PBX4: variants seen among roughly 807,000 people sequenced by gnomAD.
PBX4 encodes the protein pre-B-cell leukemia transcription factor 4.
In PBX4, 26 loss-of-function variants were observed where a neutral mutation model predicts 35.1. The observed-to-expected ratio is 0.74, with a 90% CI of 0.54 to 1.03. The LOEUF (loss-of-function observed/expected upper bound fraction) is 1.03. Among genes scored for constraint, PBX4 ranks in the 50% least tolerant of loss-of-function variants. The pLI, the probability that PBX4 is intolerant of heterozygous loss-of-function variation, is 0.00. For missense variants in PBX4, 448 were observed against 504.3 expected, an observed-to-expected ratio of 0.89 and a Z score of 1.07; for synonymous variants, 199 against 204.2, an observed-to-expected ratio of 0.97 and a Z score of 0.22.
chr19:19,598,595 C>T (rs1462414274), intron 2 of PBX4, among the ~76,000 whole-genome samples: 2 of 152,088 alleles, frequency 1.3e-5, no homozygotes, highest in Non-Finnish European at 2.9e-5. Context: ...TGTGCCCAGC[C>T]GACAAAACTG....
At chr19:19,592,819 C>G (rs887230781) in intron 2 of PBX4, among the ~76,000 whole-genome samples, 4 of 152,176 alleles carry the variant, frequency 2.6e-5, no homozygotes, top group Non-Finnish European at 5.9e-5. Context: ...TCAGATGACA[C>G]AGGTGGGTGT....
chr19:19,575,546 G>A (rs1044500721), intron 2 of PBX4, among the ~76,000 whole-genome samples: 6 of 151,984 alleles, frequency 3.9e-5, no homozygotes, highest in Non-Finnish European at 8.8e-5. Flanking sequence ...TATTGATTCT[G>A]CCTCAACAAT....
intron 1 of PBX4, 92 bp from the exon 2 acceptor site, chr19:19,599,457 C>A: frequency 4.7e-6 from 5 of 1,055,742 alleles, no homozygotes; most frequent in South Asian, 1.3e-5. Flanking sequence ...GAAATCAAAC[C>A]AAACGAGATC....
At chr19:19,565,828 G>C (rs2061338281) in intron 5 of PBX4, among the ~76,000 whole-genome samples, 1 of 152,120 alleles carries the variant, frequency 6.6e-6, no homozygotes, top group East Asian at 1.9e-4. Flanking sequence ...TGAGGCAGGA[G>C]AATCACTTGA....
chr19:19,604,520 A>T (rs1187814155), intron 1 of PBX4, among the ~76,000 whole-genome samples: 2 of 149,492 alleles, frequency 1.3e-5, no homozygotes, highest in African/African-American at 4.9e-5. Context: ...TTGTCTCTGA[A>T]CTTCAAATAT....
intron 1 of PBX4, among the ~76,000 whole-genome samples, chr19:19,609,621 A>T (rs1038652815): frequency 6.6e-6 from 1 of 150,542 alleles, no homozygotes; most frequent in East Asian, 2.0e-4. Context: ...CAGGCCGAGG[A>T]GGGCAGATCA....
chr19:19,582,979 G>A (rs1041853371), intron 2 of PBX4, among the ~76,000 whole-genome samples: 12 of 152,232 alleles, frequency 7.9e-5, no homozygotes, highest in African/African-American at 2.7e-4. Flanking sequence ...CCCGGGCTCC[G>A]GGAACACCAA....
chr19:19,587,842 A>G (rs1048407686), intron 2 of PBX4, among the ~76,000 whole-genome samples: 35 of 151,794 alleles, frequency 2.3e-4, no homozygotes, highest in African/African-American at 7.0e-4. Flanking sequence ...TCAAGAAAAA[A>G]CATTAATTAA....
chr19:19,578,077 C>T lies in PBX4; in HGVS notation c.194-7244G>A, dbSNP rs542731462. Among the ~76,000 whole-genome samples the T allele has an allele frequency of 5.5e-5, 8 of 145,734 alleles. No individual in the cohort carries two copies. In the South Asian group the frequency reaches 1.7e-3, roughly 32 times the overall value. ...TGATGGCACAAGCCTGTAATCTCAG[C>T]TACTTGGGAGGCTGAGGCAGGAGAT... On this transcript the variant is annotated intron_variant, in intron 2 of 7. Coordinates refer to ENST00000251203, the MANE Select transcript of PBX4 (RefSeq NM_025245.3).
intron 2 of PBX4, chr19:19,588,349 C>T: frequency 8.0e-7 from 1 of 1,242,900 alleles, no homozygotes; most frequent in East Asian, 2.4e-5. Flanking sequence ...ACATTTTTCA[C>T]ACAGTCATCT....
At chr19:19,565,536 G>C (rs1217598984) in intron 5 of PBX4, among the ~76,000 whole-genome samples, 1 of 152,238 alleles carries the variant, frequency 6.6e-6, no homozygotes, top group Non-Finnish European at 1.5e-5. Flanking sequence ...TGAAAACAAG[G>C]TGAACTCTGA....
chr19:19,587,965 A>G, intron 2 of PBX4: 1 of 434,342 alleles, frequency 2.3e-6, no homozygotes, highest in East Asian at 4.7e-5. Flanking sequence ...CTGCCAGTAC[A>G]CCAGCAGGCA....
chr19:19,585,575 CAT>C (rs1382788396), intron 2 of PBX4, among the ~76,000 whole-genome samples: 1 of 152,304 alleles, frequency 6.6e-6, no homozygotes, highest in South Asian at 2.1e-4. Flanking sequence ...GCTAAGCCAT[CAT>C]ATCCCTTGTG....
chr19:19,586,935 A>C lies in PBX4; in HGVS notation c.193+12357T>G, dbSNP rs535049346. Among the ~76,000 whole-genome samples, 9 of 151,584 alleles carry C rather than the reference A, an allele frequency of 5.9e-5. No homozygotes were observed. The South Asian group carries it at 1.9e-3, about 32-fold the overall frequency. The stretch of plus-strand genomic sequence containing the variant: ...GACAGAGTGAGATTCCGTCTCAAAA[A>C]AAGAAAAAGAAAAAGAAAAAGAAAA... On this transcript the variant is annotated intron_variant, in intron 2 of 7. Transcript: ENST00000251203.
At position 19,563,747 on chromosome 19, in the gene PBX4, GC is replaced by G. The variant is rs771585648; in HGVS notation, c.926-133del. 6.6e-6 allele frequency: 5 copies of G among 761,960 alleles called. No homozygotes were observed. Among genetic ancestry groups the G allele is most frequent in the South Asian group, 5.9e-5 (4 of 67,250 alleles). The allele number at this position is 761,960 out of a possible 1,614,324, so 47.2% of individuals were successfully genotyped here. Reference sequence around the variant, plus strand: ...CTCAGCATCCGGCCTCTGCTCCTCAGCCCCCACCCAGGCAGGCCAGCGGGCC... The same window carrying G: ...CTCAGCATCCGGCCTCTGCTCCTCAGCCCCACCCAGGCAGGCCAGCGGGCC... On this transcript the variant is annotated intron_variant, in intron 6 of 7. Transcript: ENST00000251203. This position sits in a 1 kb window ranked among gnomAD's most constrained non-coding sequence, Gnocchi z 5.1.
At chr19:19,615,037 C>A (rs917878706) in intron 1 of PBX4, among the ~76,000 whole-genome samples, 1 of 151,332 alleles carries the variant, frequency 6.6e-6, no homozygotes, top group Non-Finnish European at 1.5e-5. Flanking sequence ...TAGTGGCACA[C>A]GCCTGTAATC....
chr19:19,566,952 C>T lies in PBX4; in HGVS notation c.769-1863G>A, dbSNP rs1047000500. Among the ~76,000 whole-genome samples the T allele has an allele frequency of 1.3e-4, 20 of 152,264 alleles. 1 individual carries two copies. The South Asian group carries it at 3.5e-3, about 27-fold the overall frequency. ...CTCGAACTCCTGACCTCAGGTGATTCGTCCGCCTTGGCCTCCAAAGTGCTG... is the reference window on the plus strand; with the variant it reads ...CTCGAACTCCTGACCTCAGGTGATTTGTCCGCCTTGGCCTCCAAAGTGCTG... On this transcript the variant is annotated intron_variant, in intron 5 of 7. Transcript: ENST00000251203.
intron 1 of PBX4, among the ~76,000 whole-genome samples, chr19:19,607,016 C>T (rs1359271899): frequency 6.6e-6 from 1 of 152,026 alleles, no homozygotes; most frequent in African/African-American, 2.4e-5. Context: ...ACAAAAAACA[C>T]AAGTATATGA....
At chr19:19,600,552 C>T (rs1394980427) in intron 1 of PBX4, among the ~76,000 whole-genome samples, 2 of 151,500 alleles carry the variant, frequency 1.3e-5, no homozygotes, top group East Asian at 3.9e-4. Flanking sequence ...GAGGCAGTGG[C>T]TCATGCCTGT....
Sources: gnomAD v4.1 joint callset for allele counts (sites outside exome capture counted in the v4.1 genomes callset) on GRCh38, gnomAD v4.1.1 for gene constraint, Gnocchi (gnomAD v3.1) non-coding constraint, MANE v1.5 for transcripts, NCBI Gene and HGNC (gene_info 2026-07-23, HGNC 2026-07-21) for gene names.